Variants in LCLAT1 observed in about 807,000 individuals in gnomAD.
LCLAT1 encodes 1-AGP acyltransferase 8.
A neutral mutation model predicts 30.7 loss-of-function variants in LCLAT1; 11 were observed. That is an observed-to-expected ratio of 0.36 (90% CI 0.23 to 0.59). The LOEUF (loss-of-function observed/expected upper bound fraction) is 0.59, where lower values mean the gene tolerates loss of function less well. Ranked by LOEUF, LCLAT1 falls within the 20% of genes least tolerant of loss-of-function variation. The probability of loss-of-function intolerance (pLI) is 0.77; values close to 1 mark genes in which losing one functional copy is unlikely to be tolerated. For missense variants in LCLAT1, 402 were observed against 458.6 expected (o/e 0.88, Z 1.13); for synonymous variants, 155 against 151.3 (o/e 1.02, Z -0.18).
chr2:30,528,710 G>T (rs565921094), intron 2 of LCLAT1, among the ~76,000 whole-genome samples: 3 of 152,120 alleles, frequency 2.0e-5, no homozygotes, highest in Non-Finnish European at 4.4e-5. Flanking sequence ...TGTCTTATTA[G>T]CTGTTTGGAC....
At chr2:30,570,323 T>C (rs1665726251) in intron 5 of LCLAT1, among the ~76,000 whole-genome samples, 1 of 152,202 alleles carries the variant, frequency 6.6e-6, no homozygotes, top group Non-Finnish European at 1.5e-5. Context: ...TAGATGATTT[T>C]ATTTGTTAGA....
At chr2:30,610,893 CTGTTATTA>C (rs1399100322) in intron 5 of LCLAT1, among the ~76,000 whole-genome samples, 1 of 151,902 alleles carries the variant, frequency 6.6e-6, no homozygotes, top group Non-Finnish European at 1.5e-5. Flanking sequence ...TTGGACTTAA[CTGTTATTA>C]TTTCCTCACC....
At position 30,508,665 on chromosome 2, in the gene LCLAT1, T is replaced by C. The variant is rs769742862; in HGVS notation, c.-4-16922T>C. 5.9e-5 allele frequency among the ~76,000 whole-genome samples: 9 copies of C among 152,176 alleles called. 1 individual carries two copies. The East Asian group carries it at 1.2e-3, about 20-fold the overall frequency. On this transcript the variant is annotated intron_variant, in intron 1 of 5. Coordinates refer to ENST00000379509, the MANE Select transcript of LCLAT1 (RefSeq NM_001002257.3). The stretch of plus-strand genomic sequence containing the variant: ...TTTTGGTTACTGTAGCCCTGTAATA[T>C]AGTTTTAAGTTGGGTAGCATGATGT...
At chr2:30,513,690 A>G (rs952205130) in intron 1 of LCLAT1, among the ~76,000 whole-genome samples, 7 of 152,190 alleles carry the variant, frequency 4.6e-5, no homozygotes, top group Admixed American at 3.9e-4. Context: ...CCTGCTTCCC[A>G]TTCTATTCGT....
intron 1 of LCLAT1, among the ~76,000 whole-genome samples, chr2:30,458,924 T>G (rs932676978): frequency 6.6e-6 from 1 of 152,218 alleles, no homozygotes; most frequent in African/African-American, 2.4e-5. Flanking sequence ...TGTATATACT[T>G]ATATTTATAA....
intron 1 of LCLAT1, among the ~76,000 whole-genome samples, chr2:30,456,310 C>T (rs1475109263): frequency 2.0e-5 from 3 of 152,162 alleles, no homozygotes; most frequent in Admixed American, 6.5e-5. Flanking sequence ...TCTGATACCA[C>T]GCCAGTGGGG....
chr2:30,594,791 A>C (rs1173017847), intron 5 of LCLAT1, among the ~76,000 whole-genome samples: 1 of 152,256 alleles, frequency 6.6e-6, no homozygotes, highest in Non-Finnish European at 1.5e-5. Context: ...AGGAAACAAC[A>C]ACCAAGCAGA....
chr2:30,626,871 T>C (rs945029011), intron 5 of LCLAT1, among the ~76,000 whole-genome samples: 16 of 152,156 alleles, frequency 1.1e-4, no homozygotes, highest in African/African-American at 3.1e-4. Context: ...TTATCTTTTA[T>C]CCATGGGTTA....
In LCLAT1 at chr2:30,539,803, G is replaced by T. The variant is rs183329647; in HGVS notation, c.364+6489G>T. On this transcript the variant is annotated intron_variant, in intron 3 of 5. Transcript: ENST00000379509. ...TGCTGTGTACAGAATACTGTGTAAG[G>T]GACTTTATATACATTATCTTATTTA... is the stretch of plus-strand genomic sequence containing the variant. 3.4e-3 allele frequency among the ~76,000 whole-genome samples: 521 copies of T among 152,034 alleles called. 2 individuals are homozygous for T. The highest frequency in any genetic ancestry group is 6.4e-3 in the Non-Finnish European group (436 of 67,958).
chr2:30,460,403 C>T (rs1030049286), intron 1 of LCLAT1, among the ~76,000 whole-genome samples: 3 of 152,172 alleles, frequency 2.0e-5, no homozygotes, highest in African/African-American at 7.2e-5. Context: ...TAGATAATTT[C>T]GACACCCTCC....
intron 4 of LCLAT1, among the ~76,000 whole-genome samples, chr2:30,564,242 A>G (rs935743042): frequency 6.6e-6 from 1 of 152,126 alleles, no homozygotes; most frequent in Non-Finnish European, 1.5e-5. Context: ...GAGTATAGAA[A>G]GCCATTCACT....
intron 1 of LCLAT1, among the ~76,000 whole-genome samples, chr2:30,484,966 T>C (rs1048929203): frequency 5.9e-5 from 9 of 152,148 alleles, no homozygotes; most frequent in African/African-American, 2.2e-4. Context: ...TGTGTTAAAT[T>C]TTTTAAAAAC....
At chr2:30,595,804 G>A (rs1869432) in intron 5 of LCLAT1, among the ~76,000 whole-genome samples, 36,219 of 151,900 alleles carry the variant, frequency 0.24, 5,282 homozygotes, top group East Asian at 0.52. Flanking sequence ...TCCCACCCAC[G>A]GCAGGCCCCA....
chr2:30,471,230 G>A (rs917513023), intron 1 of LCLAT1, among the ~76,000 whole-genome samples: 2 of 150,086 alleles, frequency 1.3e-5, no homozygotes, highest in African/African-American at 4.9e-5. Context: ...TATTTTCTAA[G>A]ATAGAGTCTC....
At chr2:30,516,101 G>T (rs548175032) in intron 1 of LCLAT1, among the ~76,000 whole-genome samples, 29 of 152,244 alleles carry the variant, frequency 1.9e-4, no homozygotes, top group African/African-American at 6.0e-4. Flanking sequence ...TAAAATACCC[G>T]TTAAGCTAAA....
At chr2:30,576,610 T>G (rs1204805411) in intron 5 of LCLAT1, among the ~76,000 whole-genome samples, 2 of 152,110 alleles carry the variant, frequency 1.3e-5, no homozygotes, top group Non-Finnish European at 2.9e-5. Flanking sequence ...AATCCAGAAA[T>G]TCATCTTAAC....
chr2:30,599,789 A>G (rs751658417), intron 5 of LCLAT1, among the ~76,000 whole-genome samples: 1 of 151,382 alleles, frequency 6.6e-6, no homozygotes, highest in Non-Finnish European at 1.5e-5. Flanking sequence ...TCTGTTTTCC[A>G]TTTGCTTGGT....
chr2:30,462,466 G>A (rs547127402), intron 1 of LCLAT1, among the ~76,000 whole-genome samples: 93 of 152,322 alleles, frequency 6.1e-4, no homozygotes, highest in African/African-American at 1.3e-3. Context: ...GAGATGGTAG[G>A]ATTTTGAGAA....
intron 5 of LCLAT1, among the ~76,000 whole-genome samples, chr2:30,582,091 C>T (rs1188144148): frequency 6.6e-6 from 1 of 152,044 alleles, no homozygotes; most frequent in African/African-American, 2.4e-5. Flanking sequence ...ATTTTTTCCT[C>T]TATACTAGAG....
Sources: allele counts gnomAD v4.1 joint callset (sites outside exome capture counted in the v4.1 genomes callset), GRCh38; gene constraint gnomAD v4.1.1; transcripts MANE v1.5; gene names NCBI Gene and HGNC (gene_info 2026-07-23, HGNC 2026-07-21).